Variants in RUNX2 observed in about 807,000 individuals in gnomAD.
RUNX2 encodes runt-related transcription factor 2.
Under a neutral mutation model 51.7 loss-of-function variants are expected in RUNX2, and 10 were observed. The ratio of observed to expected loss-of-function variants is 0.19; its 90% CI spans 0.12 to 0.33. RUNX2 has a LOEUF of 0.33. Among genes scored for constraint, RUNX2 ranks in the 10% least tolerant of loss-of-function variants. RUNX2 has a pLI of 1.00. For synonymous variants in RUNX2, 276 were observed against 273.6 expected (o/e 1.01, Z -0.09); for missense variants, 562 against 691.3 (o/e 0.81, Z 2.10).
chr6:45,334,280 T>C (rs1275976201), intron 2 of RUNX2, among the ~76,000 whole-genome samples: 1 of 151,082 alleles, frequency 6.6e-6, no homozygotes, highest in Non-Finnish European at 1.5e-5. Flanking sequence ...CCAGAATCAT[T>C]ATATACCATC....
At chr6:45,503,895 G>A (rs986115626) in intron 6 of RUNX2, among the ~76,000 whole-genome samples, 25 of 152,158 alleles carry the variant, frequency 1.6e-4, no homozygotes, top group Non-Finnish European at 1.0e-4. Flanking sequence ...CATACATATC[G>A]TTTTTCATTC....
intron 2 of RUNX2, among the ~76,000 whole-genome samples, chr6:45,370,347 T>C (rs567413505): frequency 6.6e-6 from 1 of 151,984 alleles, no homozygotes; most frequent in South Asian, 2.1e-4. Context: ...AGAAACTGGT[T>C]GAATGGTGGT....
At position 45,492,061 on chromosome 6, in the gene RUNX2, C is replaced by G; in HGVS notation, c.806C>G (p.Ser269Cys). ...GTCCCGCCTCAGAACCCACGGCCCTCCCTGAACTCTGCACCAAGTCCTTTT... is the reference window on the plus strand; with the variant it reads ...GTCCCGCCTCAGAACCCACGGCCCTGCCTGAACTCTGCACCAAGTCCTTTT... ...VGVPPQNPRP[S>C]LNSAPSPFNP... Residue 269 changes from serine (S) to cysteine (C), a missense_variant, in exon 6 of 9, where the codon TCC becomes TGC. Physicochemically the swap from Ser to Cys is moderately radical, Grantham distance 112. Coordinates refer to ENST00000647337, the MANE Select transcript of RUNX2 (RefSeq NM_001024630.4). 1.2e-6 allele frequency: 2 copies of G among 1,613,860 alleles called. No homozygotes were observed. The highest frequency in any genetic ancestry group is 1.7e-6 in the Non-Finnish European group (2 of 1,179,894).
intron 2 of RUNX2, among the ~76,000 whole-genome samples, chr6:45,406,813 T>G (rs1322520829): frequency 6.6e-6 from 1 of 152,182 alleles, no homozygotes; most frequent in Non-Finnish European, 1.5e-5. Context: ...AATAATGACA[T>G]GAATTTTCCA....
chr6:45,499,110 G>T (rs1800729397), intron 6 of RUNX2, among the ~76,000 whole-genome samples: 1 of 152,222 alleles, frequency 6.6e-6, no homozygotes, highest in African/African-American at 2.4e-5. Context: ...CTGTGGTCCT[G>T]CTCACTTGTA....
rs556224769 is a variant in RUNX2 at position 45,481,539 on chromosome 6, T to C, written c.686-10402T>C. On this transcript the variant is annotated intron_variant, in intron 5 of 8. Coordinates refer to ENST00000647337, the MANE Select transcript of RUNX2 (RefSeq NM_001024630.4). ...TAGACATAGAGAAAGAGTTTTTTTG[T>C]TCATTTCCCATAAAGTCAAGGGAGA... Among the ~76,000 whole-genome samples the C allele has an allele frequency of 1.1e-4, 16 of 152,330 alleles. No homozygotes were observed. In the South Asian group the frequency reaches 2.3e-3, roughly 22 times the overall value.
At chr6:45,458,405 A>T (rs979463114) in intron 5 of RUNX2, among the ~76,000 whole-genome samples, 1 of 152,222 alleles carries the variant, frequency 6.6e-6, no homozygotes, top group Non-Finnish European at 1.5e-5. Flanking sequence ...TACATTCTTG[A>T]TGAAACTACC....
Position 45,546,838 on chromosome 6 carries a change from C to T in RUNX2, c.1099C>T (p.Leu367=), listed in dbSNP as rs140165241. 1.2e-6 allele frequency: 2 copies of T among 1,613,838 alleles called. No homozygotes were observed. The highest frequency in any genetic ancestry group is 2.2e-5 in the East Asian group (1 of 44,874). The change falls in exon 9 of 9, where the codon CTG becomes TTG. Residue 367 remains leucine (L), a synonymous_variant. Coordinates refer to ENST00000647337, the MANE Select transcript of RUNX2 (RefSeq NM_001024630.4). ...GTTATAATTTTTAGGTGCTTCAGAA[C>T]TGGGCCCTTTTTCAGACCCCAGGCA... ...SKKSQAGASE[L]GPFSDPRQFP... is the part of the protein sequence containing the mutation.
At chr6:45,337,428 T>C (rs530523395) in intron 2 of RUNX2, among the ~76,000 whole-genome samples, 2 of 151,900 alleles carry the variant, frequency 1.3e-5, no homozygotes, top group South Asian at 4.1e-4. Context: ...ATTAAATCAA[T>C]ATATACAAGG....
intron 8 of RUNX2, among the ~76,000 whole-genome samples, chr6:45,546,003 C>T (rs1412663022): frequency 1.3e-5 from 2 of 152,180 alleles, no homozygotes; most frequent in African/African-American, 2.4e-5. Context: ...GTGCTGGGGC[C>T]TGGGAGACGG....
rs1440476102 is a variant in RUNX2, at chr6:45,506,626, AC to A, written c.860-5619del. 3.3e-5 allele frequency among the ~76,000 whole-genome samples: 5 copies of A among 152,334 alleles called. No individual in the cohort carries two copies. The East Asian group carries it at 9.7e-4, about 29-fold the overall frequency. Reference sequence around the variant, plus strand: ...AGAATGAATTATAGTTTTTAAAAAAACATAAAAATATTTAAAGTTCAACAAC... The same window carrying A: ...AGAATGAATTATAGTTTTTAAAAAAAATAAAAATATTTAAAGTTCAACAAC... On this transcript the variant is annotated intron_variant, in intron 6 of 8. Transcript: ENST00000647337.
chr6:45,470,991 G>T (rs967425219), intron 5 of RUNX2, among the ~76,000 whole-genome samples: 3 of 152,186 alleles, frequency 2.0e-5, no homozygotes, highest in Non-Finnish European at 4.4e-5. Context: ...TTTGACAAAA[G>T]CTTACATAAT....
In RUNX2 at chr6:45,458,022, A is replaced by ATTTTTTTTTT. The variant is rs67652614; in HGVS notation, c.685+19978_685+19987dup. ...ATGCAATGATAAATTCTGGGATAGG[A>ATTTTTTTTTT]TTTTTTTTTTTTTTTTGACAGAGTT... On this transcript the variant is annotated intron_variant, in intron 5 of 8. Transcript: ENST00000647337. Among the ~76,000 whole-genome samples, 733 of 137,668 alleles carry ATTTTTTTTTT rather than the reference A, an allele frequency of 5.3e-3. 22 individuals are homozygous for ATTTTTTTTTT. Among genetic ancestry groups the ATTTTTTTTTT allele is most frequent in the African/African-American group, 0.02 (699 of 35,558 alleles). The allele number at this position is 137,668 out of a possible 152,430, so 90.3% of individuals were successfully genotyped here.
At chr6:45,522,271 A>C (rs1013807909) in intron 7 of RUNX2, among the ~76,000 whole-genome samples, 1 of 152,220 alleles carries the variant, frequency 6.6e-6, no homozygotes, top group Admixed American at 6.5e-5. Flanking sequence ...TTAGGATACA[A>C]CATAAAGCAA....
At chr6:45,440,801 G>T (rs751411621) in intron 5 of RUNX2, among the ~76,000 whole-genome samples, 3 of 151,972 alleles carry the variant, frequency 2.0e-5, no homozygotes, top group African/African-American at 7.3e-5. Context: ...AAATAATTTC[G>T]TGGAAGAAAC....
At chr6:45,420,347 C>A (rs1210733805) in intron 2 of RUNX2, among the ~76,000 whole-genome samples, 1 of 152,182 alleles carries the variant, frequency 6.6e-6, no homozygotes, top group East Asian at 1.9e-4. Flanking sequence ...CAGACCCGGG[C>A]GTGGGCTCAG....
At chr6:45,355,368 A>T (rs1792954026) in intron 2 of RUNX2, among the ~76,000 whole-genome samples, 1 of 152,000 alleles carries the variant, frequency 6.6e-6, no homozygotes, top group African/African-American at 2.4e-5. Context: ...AACTGTCTCT[A>T]TGAGGAAGTA....
At chr6:45,508,298 G>A (rs148382510) in intron 6 of RUNX2, among the ~76,000 whole-genome samples, 31 of 138,296 alleles carry the variant, frequency 2.2e-4, no homozygotes, top group African/African-American at 8.2e-4. Context: ...GCGTGATCTC[G>A]GCTCACCGCA....
intron 2 of RUNX2, among the ~76,000 whole-genome samples, chr6:45,397,605 C>T (rs951688123): frequency 1.3e-5 from 2 of 152,038 alleles, no homozygotes; most frequent in Non-Finnish European, 2.9e-5. Context: ...ATTTGCTTTC[C>T]CCTAATGACT....
Sources: gnomAD v4.1 joint callset for allele counts (sites outside exome capture counted in the v4.1 genomes callset) on GRCh38, gnomAD v4.1.1 for gene constraint, MANE v1.5 for transcripts, NCBI Gene and HGNC (gene_info 2026-07-23, HGNC 2026-07-21) for gene names.